SMG6: variants seen among roughly 807,000 people sequenced by gnomAD.
SMG6 encodes the protein SMG6 nonsense mediated mRNA decay factor.
SMG6 carries 66 observed loss-of-function variants against 142.2 expected under a neutral mutation model. The ratio of observed to expected loss-of-function variants is 0.46; its 90% CI spans 0.38 to 0.57. The LOEUF (loss-of-function observed/expected upper bound fraction) is 0.57. Among genes scored for constraint, SMG6 ranks in the 20% least tolerant of loss-of-function variants. The pLI, the probability that SMG6 is intolerant of heterozygous loss-of-function variation, is 0.00. For synonymous variants in SMG6, 779 were observed against 702.4 expected (o/e 1.11, Z -1.72); for missense variants, 1,793 against 1,832.0 (o/e 0.98, Z 0.39).
chr17:2,060,501 A>G lies in SMG6; in HGVS notation c.*991T>C. The G allele has an allele frequency of 6.6e-6, 1 of 152,358 alleles. No homozygotes were observed. The highest frequency in any genetic ancestry group is 1.5e-5 in the Non-Finnish European group (1 of 68,068). 9.4% of individuals were successfully genotyped at this position (152,358 alleles called of 1,614,324 possible). A position where few individuals can be genotyped will look rare whatever the true frequency, so the allele number is the denominator to read the frequency against. The stretch of plus-strand genomic sequence containing the variant: ...CCTGTACTAGGTTCCTGCCATGGGT[A>G]GTAGAGAGGGAAAGTTCAGAGTGAG... On this transcript the variant is annotated 3_prime_UTR_variant, in exon 19 of 19. Transcript: ENST00000263073.
intron 13 of SMG6, among the ~76,000 whole-genome samples, chr17:2,124,884 A>G (rs1597427194): frequency 1.3e-5 from 2 of 152,332 alleles, no homozygotes; most frequent in African/African-American, 2.4e-5. Flanking sequence ...GGAAAATGCA[A>G]TTGGGAGCAC....
intron 8 of SMG6, among the ~76,000 whole-genome samples, chr17:2,272,887 G>A (rs7223161): frequency 0.24 from 36,899 of 151,456 alleles, 4,611 homozygotes; most frequent in Middle Eastern, 0.31. Flanking sequence ...CTGAGTTCAC[G>A]CCACTGCACT....
chr17:2,094,346 G>C (rs1308486843), intron 13 of SMG6, among the ~76,000 whole-genome samples: 1 of 152,078 alleles, frequency 6.6e-6, no homozygotes, highest in Non-Finnish European at 1.5e-5. Flanking sequence ...CACCTCTTGG[G>C]TTCAAGAGAT....
At chr17:2,172,447 GCA>G (rs146996258) in intron 13 of SMG6, among the ~76,000 whole-genome samples, 2 of 151,572 alleles carry the variant, frequency 1.3e-5, no homozygotes, top group South Asian at 2.1e-4. Context: ...ATGCCAGCAA[GCA>G]CACACACACA....
chr17:2,082,024 C>T, intron 14 of SMG6, 68 bp from the exon 15 acceptor site: 1 of 1,558,972 alleles, frequency 6.4e-7, no homozygotes, highest in South Asian at 1.1e-5. Flanking sequence ...CTTACTGAAC[C>T]CAACATTGCC....
intron 11 of SMG6, among the ~76,000 whole-genome samples, chr17:2,187,413 A>G (rs1230815690): frequency 6.6e-6 from 1 of 152,154 alleles, no homozygotes; most frequent in African/African-American, 2.4e-5. Context: ...GCACAAACTA[A>G]GTAAGGTCTG....
chr17:2,180,051 C>A (rs912854704), intron 12 of SMG6, among the ~76,000 whole-genome samples: 1 of 152,162 alleles, frequency 6.6e-6, no homozygotes, highest in Non-Finnish European at 1.5e-5. Context: ...GTAGGCTGTC[C>A]CACTGCCCTA....
At chr17:2,150,075 T>C (rs1215935058) in intron 13 of SMG6, among the ~76,000 whole-genome samples, 1 of 152,190 alleles carries the variant, frequency 6.6e-6, no homozygotes, top group Non-Finnish European at 1.5e-5. Flanking sequence ...CATGGCTTGT[T>C]AGGAACTGGG....
chr17:2,244,605 T>C lies in SMG6; in HGVS notation c.2723+53A>G. 3.4e-6 allele frequency: 5 copies of C among 1,456,924 alleles called. No individual in the cohort carries two copies. In the South Asian group the frequency reaches 5.8e-5, roughly 17 times the overall value. 90.2% of individuals were successfully genotyped at this position (1,456,924 alleles called of 1,614,324 possible). The stretch of plus-strand genomic sequence containing the variant: ...CAGTCCAGTTGCTAACAATATTAAA[T>C]TCCAAAATGACTTGTAATGTAGGAA... On this transcript the variant is annotated intron_variant, in intron 9 of 18. Coordinates refer to ENST00000263073, the MANE Select transcript of SMG6 (RefSeq NM_017575.5).
intron 8 of SMG6, among the ~76,000 whole-genome samples, chr17:2,271,835 C>T (rs2074548271): frequency 6.6e-6 from 1 of 152,156 alleles, no homozygotes. Flanking sequence ...CACAGAGAGA[C>T]ACTAGCATGT....
chr17:2,253,111 A>ATATTT (rs1258881887), intron 8 of SMG6, among the ~76,000 whole-genome samples: 36 of 135,590 alleles, frequency 2.7e-4, no homozygotes, highest in African/African-American at 7.5e-4. Context: ...AAAGCCTAAA[A>ATATTT]TATTTTATTT....
At chr17:2,280,177 G>A (rs1301061257) in intron 8 of SMG6, among the ~76,000 whole-genome samples, 1 of 152,158 alleles carries the variant, frequency 6.6e-6, no homozygotes, top group Non-Finnish European at 1.5e-5. Context: ...AAGAATATAG[G>A]AAGCTAACTT....
intron 6 of SMG6, among the ~76,000 whole-genome samples, chr17:2,286,463 A>G (rs1041149309): frequency 6.6e-6 from 1 of 152,196 alleles, no homozygotes; most frequent in Non-Finnish European, 1.5e-5. Flanking sequence ...CCACATATAA[A>G]GTGACTTTTT....
chr17:2,073,482 G>A (rs559301057), intron 15 of SMG6, among the ~76,000 whole-genome samples: 18 of 150,680 alleles, frequency 1.2e-4, no homozygotes, highest in Admixed American at 5.3e-4. Context: ...AGGCCAAGGC[G>A]GGTGGATCAT....
chr17:2,169,538 C>T (rs1007731386), intron 13 of SMG6, among the ~76,000 whole-genome samples: 4 of 152,130 alleles, frequency 2.6e-5, no homozygotes, highest in South Asian at 4.2e-4. Flanking sequence ...GAAGGGAGTG[C>T]GAGAGGCACA....
intron 10 of SMG6, among the ~76,000 whole-genome samples, chr17:2,201,050 A>T (rs903514213): frequency 1.3e-5 from 2 of 152,240 alleles, no homozygotes; most frequent in Non-Finnish European, 2.9e-5. Context: ...ATCAGAATCA[A>T]ACATGTTTGC....
chr17:2,263,631 C>T (rs537629607), intron 8 of SMG6, among the ~76,000 whole-genome samples: 4 of 152,106 alleles, frequency 2.6e-5, no homozygotes, highest in African/African-American at 9.7e-5. Flanking sequence ...ATTTTAAATT[C>T]TTTCTGGTCT....
Position 2,069,000 on chromosome 17 carries a change from A to G in SMG6, c.3682-69T>C, listed in dbSNP as rs997853154. On this transcript the variant is annotated intron_variant, in intron 15 of 18. Transcript: ENST00000263073. This position sits in a 1 kb window ranked among gnomAD's most constrained non-coding sequence, Gnocchi z 6.7. ...AGCAGGTGGGTGAGCCAGGGCCCTG[A>G]CACTACGGTGTGTCAGCATCCTGCC... 2.0e-6 allele frequency: 3 copies of G among 1,514,306 alleles called. No individual in the cohort carries two copies. The highest frequency in any genetic ancestry group is 2.7e-5 in the African/African-American group (2 of 72,864). 93.8% of individuals were successfully genotyped at this position (1,514,306 alleles called of 1,614,324 possible). A position where few individuals can be genotyped will look rare whatever the true frequency, so the allele number is the denominator to read the frequency against.
rs1426037346 is a variant in SMG6, at chr17:2,153,242, A to C, written c.3357+19416T>G. On this transcript the variant is annotated intron_variant, in intron 13 of 18. Transcript: ENST00000263073. ...TGTGTGGCCCAAGACAATTCTTCCA[A>C]TGTGGCCCAGGGAAGCCAAAAGATT... Among the ~76,000 whole-genome samples the C allele has an allele frequency of 2.0e-5, 3 of 152,146 alleles. No individual in the cohort carries two copies. The East Asian group carries it at 5.8e-4, about 29-fold the overall frequency.
Sources: gnomAD v4.1 joint callset for allele counts (sites outside exome capture counted in the v4.1 genomes callset) on GRCh38, gnomAD v4.1.1 for gene constraint, Gnocchi (gnomAD v3.1) non-coding constraint, MANE v1.5 for transcripts, NCBI Gene and HGNC (gene_info 2026-07-23, HGNC 2026-07-21) for gene names.